The following LURAP1L variants were observed in gnomAD, a reference collection of about 807,000 sequenced individuals.
LURAP1L encodes the protein leucine rich adaptor protein 1-like.
LURAP1L carries 12 observed loss-of-function variants against 13.8 expected under a neutral mutation model. That is an observed-to-expected ratio of 0.87 (90% CI 0.56 to 1.41). LURAP1L has a LOEUF of 1.41. Ranked by LOEUF, LURAP1L falls within the 40% of genes most tolerant of loss-of-function variation. The probability of loss-of-function intolerance (pLI) is 0.00; values close to 1 mark genes in which losing one functional copy is unlikely to be tolerated. For synonymous variants in LURAP1L, 139 were observed against 119.2 expected, an observed-to-expected ratio of 1.17 and a Z score of -1.08; for missense variants, 375 against 292.9, an observed-to-expected ratio of 1.28 and a Z score of -2.04.
intron 1 of LURAP1L, among the ~76,000 whole-genome samples, chr9:12,783,477 T>A (rs1819303507): frequency 6.6e-6 from 1 of 152,226 alleles, no homozygotes; most frequent in Non-Finnish European, 1.5e-5. Flanking sequence ...GTTTATTCCT[T>A]CATTCTATTG....
intron 1 of LURAP1L, among the ~76,000 whole-genome samples, chr9:12,782,116 CCTA>C (rs1468951538): frequency 1.3e-5 from 2 of 152,120 alleles, no homozygotes; most frequent in Non-Finnish European, 2.9e-5. Flanking sequence ...AGACATTTTT[CCTA>C]CTGAGTTGTT....
intron 1 of LURAP1L, among the ~76,000 whole-genome samples, chr9:12,793,052 T>C (rs182089830): frequency 6.6e-6 from 1 of 152,180 alleles, no homozygotes; most frequent in Admixed American, 6.6e-5. Flanking sequence ...AAGGACGATT[T>C]TGGTAGTCAC....
intron 1 of LURAP1L, among the ~76,000 whole-genome samples, chr9:12,794,051 A>G (rs938874567): frequency 1.3e-5 from 2 of 152,210 alleles, no homozygotes; most frequent in Admixed American, 1.3e-4. Flanking sequence ...ACCATTAATT[A>G]AGCCTCCTAG....
At chr9:12,805,117 T>C (rs1819639275) in intron 1 of LURAP1L, among the ~76,000 whole-genome samples, 1 of 152,110 alleles carries the variant, frequency 6.6e-6, no homozygotes. Flanking sequence ...CCAATATATA[T>C]CTAAAGATTC....
chr9:12,787,886 T>C (rs1586876923), intron 1 of LURAP1L, among the ~76,000 whole-genome samples: 3 of 151,904 alleles, frequency 2.0e-5, no homozygotes, highest in Non-Finnish European at 2.9e-5. Flanking sequence ...TTGAGGCAGG[T>C]AGATCACTAG....
rs993114025 is a variant in LURAP1L, at chr9:12,783,176, T to C, written c.312+7149T>C. Among the ~76,000 whole-genome samples, 82 of 152,284 alleles carry C rather than the reference T, an allele frequency of 5.4e-4. 1 individual carries two copies. The highest frequency in any genetic ancestry group is 1.9e-3 in the African/African-American group (80 of 41,566). ...AATAAGAATAATTTGACTTTTTTTCTTCCCAATTTGGATGCCCTTTATTTC... is the reference window on the plus strand; with the variant it reads ...AATAAGAATAATTTGACTTTTTTTCCTCCCAATTTGGATGCCCTTTATTTC... On this transcript the variant is annotated intron_variant, in intron 1 of 1. Transcript: ENST00000319264.
At chr9:12,812,408 A>G (rs1819749076) in intron 1 of LURAP1L, among the ~76,000 whole-genome samples, 1 of 152,184 alleles carries the variant, frequency 6.6e-6, no homozygotes, top group South Asian at 2.1e-4. Context: ...CATCCATTTT[A>G]TTCTGTTGCA....
rs1819877761 is a variant in LURAP1L, at chr9:12,821,376, T to C, written c.313-10T>C. 1 of 1,602,260 alleles carries C rather than the reference T, an allele frequency of 6.2e-7. No individual in the cohort carries two copies. The highest frequency in any genetic ancestry group is 1.3e-5 in the African/African-American group (1 of 74,636). On this transcript the variant is annotated splice_polypyrimidine_tract_variant and intron_variant, in intron 1 of 1. Transcript: ENST00000319264. ...TGGCTGGAATATCTTTCTTCTCTCT[T>C]TGTCCATAGGTTAACCTCAGAGCCA... is the stretch of plus-strand genomic sequence containing the variant.
intron 1 of LURAP1L, among the ~76,000 whole-genome samples, chr9:12,817,836 G>C (rs1819823992): frequency 6.6e-6 from 1 of 152,124 alleles, no homozygotes; most frequent in Admixed American, 6.5e-5. Flanking sequence ...TACTTTCAAG[G>C]GTCATCGGTA....
chr9:12,804,386 C>T (rs1318454), intron 1 of LURAP1L, among the ~76,000 whole-genome samples: 19,251 of 147,518 alleles, frequency 0.13, 1,531 homozygotes, highest in East Asian at 0.27. Context: ...GCTGTGTCAG[C>T]CAGGCTGGAG....
At chr9:12,799,873 C>CAA (rs58987082) in intron 1 of LURAP1L, among the ~76,000 whole-genome samples, 5,446 of 82,222 alleles carry the variant, frequency 0.066, 375 homozygotes, top group African/African-American at 0.18. Context: ...GACTCCGTCT[C>CAA]AAAAAAAAAA....
chr9:12,799,646 C>T (rs779001293), intron 1 of LURAP1L, among the ~76,000 whole-genome samples: 26 of 152,050 alleles, frequency 1.7e-4, no homozygotes, highest in Non-Finnish European at 2.6e-4. Flanking sequence ...TTTGGGAGGC[C>T]GAGGTGGATG....
chr9:12,801,262 G>A (rs533400616), intron 1 of LURAP1L, among the ~76,000 whole-genome samples: 5 of 151,670 alleles, frequency 3.3e-5, no homozygotes, highest in South Asian at 4.2e-4. Flanking sequence ...GAGCTTAGCC[G>A]CATCTCTCCA....
intron 1 of LURAP1L, among the ~76,000 whole-genome samples, chr9:12,820,230 A>G (rs1819854886): frequency 6.6e-6 from 1 of 151,272 alleles, no homozygotes; most frequent in Admixed American, 6.6e-5. Flanking sequence ...ACCTGCCGGG[A>G]GCAGTGGCTC....
intron 1 of LURAP1L, among the ~76,000 whole-genome samples, chr9:12,812,181 C>G (rs2118538719): frequency 6.6e-6 from 1 of 152,224 alleles, no homozygotes. Flanking sequence ...GTCAATAGGC[C>G]CATCCGATAC....
At position 12,787,803 on chromosome 9, in the gene LURAP1L, T is replaced by C. The variant is rs542083665; in HGVS notation, c.312+11776T>C. On this transcript the variant is annotated intron_variant, in intron 1 of 1. Transcript: ENST00000319264. ...CGTTCATAATTTATGATGGAAGCTT[T>C]GTTGAGTATTAAAAACATAGAAAGC... Among the ~76,000 whole-genome samples, 24 of 152,222 alleles carry C rather than the reference T, an allele frequency of 1.6e-4. 1 individual carries two copies. The South Asian group carries it at 4.8e-3, about 30-fold the overall frequency.
At chr9:12,787,260 C>T (rs1328059627) in intron 1 of LURAP1L, among the ~76,000 whole-genome samples, 10 of 152,002 alleles carry the variant, frequency 6.6e-5, no homozygotes, top group South Asian at 2.1e-4. Context: ...TAATGATAGA[C>T]ATATAATTGT....
chr9:12,786,582 A>ATATATATATATATATATATAC (rs55704493), intron 1 of LURAP1L, among the ~76,000 whole-genome samples: 1 of 113,596 alleles, frequency 8.8e-6, no homozygotes, highest in Non-Finnish European at 2.0e-5. Context: ...ATATATATAT[A>ATATATATATATATATATATAC]AACCCTTGTG....
At chr9:12,813,327 T>C (rs1056174509) in intron 1 of LURAP1L, among the ~76,000 whole-genome samples, 3 of 152,196 alleles carry the variant, frequency 2.0e-5, no homozygotes, top group Non-Finnish European at 4.4e-5. Flanking sequence ...ATTCATGGCA[T>C]CCTAATTATT....
Sources: gnomAD v4.1 joint callset for allele counts (sites outside exome capture counted in the v4.1 genomes callset) on GRCh38, gnomAD v4.1.1 for gene constraint, MANE v1.5 for transcripts, NCBI Gene and HGNC (gene_info 2026-07-23, HGNC 2026-07-21) for gene names.